DOCK9: variants seen among roughly 807,000 people sequenced by gnomAD.
The protein encoded by DOCK9 is dedicator of cytokinesis 9.
A neutral mutation model predicts 263.3 loss-of-function variants in DOCK9; 89 were observed. That is an observed-to-expected ratio of 0.34 (90% CI 0.28 to 0.40). The LOEUF (loss-of-function observed/expected upper bound fraction) is 0.40, where lower values mean the gene tolerates loss of function less well. Among genes scored for constraint, DOCK9 ranks in the 10% least tolerant of loss-of-function variants. DOCK9 has a pLI of 1.00. For synonymous variants in DOCK9, 976 were observed against 973.1 expected, an observed-to-expected ratio of 1.00 and a Z score of -0.06; for missense variants, 2,140 against 2,603.4, an observed-to-expected ratio of 0.82 and a Z score of 3.87.
chr13:98,921,846 T>C (rs1280586666), intron 6 of DOCK9, among the ~76,000 whole-genome samples: 2 of 152,270 alleles, frequency 1.3e-5, no homozygotes, highest in South Asian at 2.1e-4. Context: ...GGTCTCCTTA[T>C]GCTGGTGGTC....
At chr13:98,801,832 G>A (rs1450698400) in intron 49 of DOCK9, among the ~76,000 whole-genome samples, 1 of 152,204 alleles carries the variant, frequency 6.6e-6, no homozygotes, top group Non-Finnish European at 1.5e-5. Context: ...ACAGAGTTCC[G>A]ATGGGCCACC....
intron 38 of DOCK9, among the ~76,000 whole-genome samples, chr13:98,844,415 G>T (rs557210286): frequency 1.9e-4 from 29 of 152,020 alleles, no homozygotes; most frequent in African/African-American, 7.0e-4. Flanking sequence ...CCAGGCTGGA[G>T]TGCAGTGGCA....
chr13:98,809,337 G>A lies in DOCK9; in HGVS notation c.5367+15C>T. On this transcript the variant is annotated intron_variant, in intron 47 of 52. Coordinates refer to ENST00000682017, the MANE Select transcript of DOCK9 (RefSeq NM_001366683.2). ...AAGGACTTAGGACAGTCTGCAGAAT[G>A]GACAGGAGGCTCACCTGCCCGAAGA... 1 of 1,593,224 alleles carries A rather than the reference G, an allele frequency of 6.3e-7. No individual in the cohort carries two copies. Among genetic ancestry groups the A allele is most frequent in the East Asian group, 2.2e-5 (1 of 44,786 alleles).
intron 1 of DOCK9, among the ~76,000 whole-genome samples, chr13:99,055,570 A>G (rs894120153): frequency 3.3e-5 from 5 of 152,190 alleles, no homozygotes; most frequent in African/African-American, 9.7e-5. Flanking sequence ...TGCAGGGCAG[A>G]GCAGGAAGAG....
chr13:98,891,940 G>A (rs143255607), intron 15 of DOCK9, among the ~76,000 whole-genome samples: 1 of 151,896 alleles, frequency 6.6e-6, no homozygotes, highest in East Asian at 1.9e-4. Context: ...AGATTTTACT[G>A]CCTTTTTATG....
Position 98,953,229 on chromosome 13 carries a change from C to T in DOCK9, c.243+2206G>A, listed in dbSNP as rs1214006443. 1.4e-4 allele frequency among the ~76,000 whole-genome samples: 21 copies of T among 152,152 alleles called. 1 individual carries two copies. Among genetic ancestry groups the T allele is most frequent in the Admixed American group, 1.4e-3 (21 of 15,278 alleles). On this transcript the variant is annotated intron_variant, in intron 2 of 52. Coordinates refer to ENST00000682017, the MANE Select transcript of DOCK9 (RefSeq NM_001366683.2). Reference sequence around the variant, plus strand: ...ATTCCTGTGATGAGGATTAAAGCTCCAATTCAAGCTCCTAAATCTCTAGGA... The same window carrying T: ...ATTCCTGTGATGAGGATTAAAGCTCTAATTCAAGCTCCTAAATCTCTAGGA...
chr13:98,912,855 C>T (rs1021838625), intron 9 of DOCK9, among the ~76,000 whole-genome samples: 4 of 152,130 alleles, frequency 2.6e-5, no homozygotes, highest in Non-Finnish European at 5.9e-5. Flanking sequence ...ACATATATTA[C>T]CTGCTGCAAC....
intron 2 of DOCK9, among the ~76,000 whole-genome samples, chr13:98,944,249 C>T (rs938333623): frequency 2.0e-5 from 3 of 152,058 alleles, no homozygotes; most frequent in African/African-American, 7.2e-5. Context: ...TTGATGTATA[C>T]AGGTGGTATT....
chr13:98,855,253 T>C (rs9584952), intron 34 of DOCK9, among the ~76,000 whole-genome samples: 8,975 of 152,280 alleles, frequency 0.059, 681 homozygotes, highest in African/African-American at 0.17. Context: ...GAGAGCTGTG[T>C]TGATGATGGT....
At chr13:99,007,618 C>T (rs992813937) in intron 1 of DOCK9, among the ~76,000 whole-genome samples, 1 of 152,146 alleles carries the variant, frequency 6.6e-6, no homozygotes, top group African/African-American at 2.4e-5. Flanking sequence ...AGAACAAACA[C>T]ATTCCAGCCC....
chr13:98,931,453 C>G (rs2053918294), intron 2 of DOCK9, among the ~76,000 whole-genome samples: 2 of 152,020 alleles, frequency 1.3e-5, no homozygotes, highest in Admixed American at 6.5e-5. Context: ...CGCCTGCCAC[C>G]ATGCCCAACT....
At chr13:98,873,419 C>T (rs909091605) in intron 27 of DOCK9, among the ~76,000 whole-genome samples, 2 of 152,204 alleles carry the variant, frequency 1.3e-5, no homozygotes, top group African/African-American at 4.8e-5. Context: ...TGGTGACTTC[C>T]CAGTATCTGT....
chr13:99,072,537 C>G (rs1485751052), intron 1 of DOCK9, among the ~76,000 whole-genome samples: 7 of 152,112 alleles, frequency 4.6e-5, no homozygotes, highest in African/African-American at 1.7e-4. Flanking sequence ...ATCAGCTCAC[C>G]CCAACCAGAG....
upstream of DOCK9, among the ~76,000 whole-genome samples, chr13:98,982,130 T>A (rs781181061): frequency 3.9e-5 from 6 of 152,220 alleles, no homozygotes; most frequent in Non-Finnish European, 8.8e-5. Context: ...ATGGAATGAA[T>A]GCTTCTGTAA....
chr13:98,822,071 A>G (rs1456336566), intron 45 of DOCK9, among the ~76,000 whole-genome samples: 1 of 152,134 alleles, frequency 6.6e-6, no homozygotes, highest in Non-Finnish European at 1.5e-5. Flanking sequence ...CGTTAGTTTC[A>G]ATCTGGATGT....
At position 98,924,027 on chromosome 13, in the gene DOCK9, A is replaced by G. The variant is rs142399769; in HGVS notation, c.417-656T>C. The stretch of plus-strand genomic sequence containing the variant: ...AATTCTCATTAATGCCAAGAGAGAA[A>G]ATGTACCAGCAGTCTATTAGATAGT... On this transcript the variant is annotated intron_variant, in intron 4 of 52. Coordinates refer to ENST00000682017, the MANE Select transcript of DOCK9 (RefSeq NM_001366683.2). 2.0e-5 allele frequency among the ~76,000 whole-genome samples: 3 copies of G among 152,310 alleles called. No homozygotes were observed. The East Asian group carries it at 5.8e-4, about 29-fold the overall frequency.
chr13:98,794,342 T>G lies in DOCK9; in HGVS notation c.*284A>C. 4.7e-6 allele frequency: 2 copies of G among 426,880 alleles called. No homozygotes were observed. The highest frequency in any genetic ancestry group is 8.2e-6 in the Non-Finnish European group (2 of 243,080). 26.4% of individuals were successfully genotyped at this position (426,880 alleles called of 1,614,324 possible). A position where few individuals can be genotyped will look rare whatever the true frequency, so the allele number is the denominator to read the frequency against. ...TAGGCCATCTATTCTAACACTACTC[T>G]GCAAGGAAGAATAAAATCTAAGTCC... On this transcript the variant is annotated 3_prime_UTR_variant, in exon 53 of 53. Coordinates refer to ENST00000682017, the MANE Select transcript of DOCK9 (RefSeq NM_001366683.2).
At chr13:98,837,385 A>G (rs2093044331) in intron 39 of DOCK9, 109 bp downstream of exon 39, 9 of 704,440 alleles carry the variant, frequency 1.3e-5, no homozygotes, top group Non-Finnish European at 1.2e-5. Context: ...GGACAAAAAT[A>G]ATTGCTGAAG....
chr13:98,826,040 G>C (rs1291024356), intron 44 of DOCK9: 1 of 1,000,202 alleles, frequency 1.0e-6, no homozygotes, highest in Non-Finnish European at 1.4e-6. Context: ...TCTCTTTGGG[G>C]CTCTGCTGTT....
Sources: gnomAD v4.1 joint callset for allele counts (sites outside exome capture counted in the v4.1 genomes callset) on GRCh38, gnomAD v4.1.1 for gene constraint, MANE v1.5 for transcripts, NCBI Gene and HGNC (gene_info 2026-07-23, HGNC 2026-07-21) for gene names.